Variants in CNTN3 observed in about 807,000 individuals in gnomAD.
CNTN3 encodes contactin-3.
A neutral mutation model predicts 119.1 loss-of-function variants in CNTN3; 60 were observed. The ratio of observed to expected loss-of-function variants is 0.50; its 90% CI spans 0.41 to 0.62. CNTN3 has a LOEUF of 0.62. Ranked by LOEUF, CNTN3 falls within the 20% of genes least tolerant of loss-of-function variation. The pLI, the probability that CNTN3 is intolerant of heterozygous loss-of-function variation, is 0.00. For missense variants in CNTN3, 1,101 were observed against 1,242.4 expected (o/e 0.89, Z 1.71); for synonymous variants, 450 against 438.7 (o/e 1.03, Z -0.32).
chr3:74,477,387 A>C (rs1702677225), intron 4 of CNTN3, among the ~76,000 whole-genome samples: 1 of 152,164 alleles, frequency 6.6e-6, no homozygotes, highest in Non-Finnish European at 1.5e-5. Context: ...CCAAAGAGGA[A>C]AAGAGATGAA....
intron 5 of CNTN3, among the ~76,000 whole-genome samples, chr3:74,414,877 C>CT (rs71129747): frequency 0.08 from 9,419 of 117,096 alleles, 855 homozygotes; most frequent in African/African-American, 0.2. Flanking sequence ...TTCCTATAGT[C>CT]TTTTTTTTTT....
At chr3:74,320,948 T>TG (rs1323081270) in intron 13 of CNTN3, among the ~76,000 whole-genome samples, 1 of 149,522 alleles carries the variant, frequency 6.7e-6, no homozygotes, top group Non-Finnish European at 1.5e-5. Flanking sequence ...TATGTTGAAT[T>TG]GAAAAAAAAA....
intron 2 of CNTN3, among the ~76,000 whole-genome samples, chr3:74,515,661 T>C (rs1703438228): frequency 6.6e-6 from 1 of 152,136 alleles, no homozygotes; most frequent in African/African-American, 2.4e-5. Context: ...ATATCAAATA[T>C]CTACACTGTG....
chr3:74,329,402 C>T (rs534391098), intron 13 of CNTN3, among the ~76,000 whole-genome samples: 1 of 152,078 alleles, frequency 6.6e-6, no homozygotes, highest in African/African-American at 2.4e-5. Context: ...AGCTGTACAC[C>T]TTGGCTCTAG....
Position 74,550,331 on chromosome 3 carries a change from C to G in CNTN3, c.-80-29139G>C, listed in dbSNP as rs755463791. Among the ~76,000 whole-genome samples, 102 of 152,100 alleles carry G rather than the reference C, an allele frequency of 6.7e-4. 2 individuals carry two copies. The highest frequency in any genetic ancestry group is 6.8e-3 in the Middle Eastern group (2 of 294). ...AGCAGTTTGGCTATTTGGTCAGAAG[C>G]CTAAAAGAAGAGATTGGTAGATAAA... On this transcript the variant is annotated intron_variant, in intron 1 of 22. Transcript: ENST00000263665.
chr3:74,522,697 G>A (rs1251383953), intron 1 of CNTN3, among the ~76,000 whole-genome samples: 2 of 151,266 alleles, frequency 1.3e-5, no homozygotes, highest in African/African-American at 4.9e-5. Context: ...AAGGGGCAAG[G>A]CAGCACCAGT....
chr3:74,284,744 C>T (rs777968187), intron 20 of CNTN3, among the ~76,000 whole-genome samples: 9 of 152,134 alleles, frequency 5.9e-5, no homozygotes, highest in Non-Finnish European at 8.8e-5. Context: ...TTGCAGCTGG[C>T]GAATTTACCT....
chr3:74,272,089 G>A (rs924783407), intron 20 of CNTN3, among the ~76,000 whole-genome samples: 4 of 152,162 alleles, frequency 2.6e-5, no homozygotes, highest in African/African-American at 7.2e-5. Context: ...TAGAGCAGGG[G>A]TGTCCAATCT....
At chr3:74,356,278 T>C (rs944046595) in intron 11 of CNTN3, among the ~76,000 whole-genome samples, 1 of 152,034 alleles carries the variant, frequency 6.6e-6, no homozygotes, top group South Asian at 2.1e-4. Context: ...CCCAATCTAG[T>C]ATTTTGTTAT....
At chr3:74,491,908 A>G (rs1415768913) in intron 3 of CNTN3, among the ~76,000 whole-genome samples, 1 of 152,162 alleles carries the variant, frequency 6.6e-6, no homozygotes, top group African/African-American at 2.4e-5. Flanking sequence ...CCCAAATCCC[A>G]TTCCAAAAGG....
chr3:74,393,901 G>A (rs527972817), intron 5 of CNTN3, among the ~76,000 whole-genome samples: 1 of 152,268 alleles, frequency 6.6e-6, no homozygotes, highest in Admixed American at 6.5e-5. Context: ...AATAAAGATA[G>A]ATCAACACTT....
intron 13 of CNTN3, among the ~76,000 whole-genome samples, chr3:74,322,631 C>T (rs1368915907): frequency 2.0e-5 from 3 of 152,198 alleles, no homozygotes; most frequent in African/African-American, 7.2e-5. Flanking sequence ...ATCCAGCAAT[C>T]ATGCTCTTTG....
chr3:74,312,412 C>T (rs566087918), intron 13 of CNTN3, among the ~76,000 whole-genome samples: 23 of 143,060 alleles, frequency 1.6e-4, no homozygotes, highest in Non-Finnish European at 2.7e-4. Flanking sequence ...GCTGAGATTG[C>T]ACCACTGCAC....
intron 4 of CNTN3, among the ~76,000 whole-genome samples, chr3:74,468,803 T>C (rs202092355): frequency 6.6e-6 from 1 of 151,832 alleles, no homozygotes; most frequent in Admixed American, 6.6e-5. Context: ...AACACCTATA[T>C]ACGTGACAGA....
chr3:74,572,628 T>C (rs898076695), intron 1 of CNTN3, among the ~76,000 whole-genome samples: 1 of 152,236 alleles, frequency 6.6e-6, no homozygotes, highest in Non-Finnish European at 1.5e-5. Flanking sequence ...AATTAAACTC[T>C]TAAATTTGAT....
chr3:74,538,201 G>A (rs141044094), intron 1 of CNTN3, among the ~76,000 whole-genome samples: 1 of 152,250 alleles, frequency 6.6e-6, no homozygotes, highest in Non-Finnish European at 1.5e-5. Context: ...CAACTACAGT[G>A]AGGCTTTTTA....
At chr3:74,593,278 C>G (rs1704735285) in intron 1 of CNTN3, among the ~76,000 whole-genome samples, 1 of 151,898 alleles carries the variant, frequency 6.6e-6, no homozygotes, top group African/African-American at 2.4e-5. Context: ...TCATCTCTCT[C>G]TAAAATTTCA....
chr3:74,305,724 C>T (rs529822966), intron 13 of CNTN3, among the ~76,000 whole-genome samples: 35 of 150,704 alleles, frequency 2.3e-4, no homozygotes, highest in African/African-American at 7.8e-4. Context: ...TGGGATGAAG[C>T]ACCATGAGGA....
At chr3:74,397,863 T>C (rs751068213) in intron 5 of CNTN3, among the ~76,000 whole-genome samples, 5 of 152,140 alleles carry the variant, frequency 3.3e-5, no homozygotes, top group Admixed American at 1.3e-4. Flanking sequence ...ATGTATGACT[T>C]TGAGTTCAAG....
Sources: allele counts gnomAD v4.1 joint callset (sites outside exome capture counted in the v4.1 genomes callset), GRCh38; gene constraint gnomAD v4.1.1; transcripts MANE v1.5; gene names NCBI Gene and HGNC (gene_info 2026-07-23, HGNC 2026-07-21).